The following SDK1 variants were observed in gnomAD, a reference collection of about 807,000 sequenced individuals.
The protein encoded by SDK1 is sidekick cell adhesion molecule 1.
A neutral mutation model predicts 245.5 loss-of-function variants in SDK1; 157 were observed. The observed-to-expected ratio is 0.64, with a 90% confidence interval of 0.56 to 0.73. The LOEUF (loss-of-function observed/expected upper bound fraction) is 0.73. SDK1 is among the 30% of genes least tolerant of loss of function. The pLI is 0.00. For synonymous variants in SDK1, 1,647 were observed against 1,278.5 expected (o/e 1.29, Z -6.15); for missense variants, 3,583 against 3,002.3 (o/e 1.19, Z -4.52).
chr7:3,914,795 C>T (rs1779307934), intron 5 of SDK1, among the ~76,000 whole-genome samples: 1 of 152,174 alleles, frequency 6.6e-6, no homozygotes, highest in African/African-American at 2.4e-5. Flanking sequence ...AACGTCCATA[C>T]AATTTGATCG....
chr7:3,958,050 G>A, intron 7 of SDK1: 1 of 469,864 alleles, frequency 2.1e-6, no homozygotes, highest in South Asian at 1.6e-5. Context: ...GTCCCACCTT[G>A]TTTTAAAGAT....
intron 4 of SDK1, among the ~76,000 whole-genome samples, chr7:3,756,850 G>C (rs1457868389): frequency 2.0e-5 from 3 of 152,142 alleles, no homozygotes; most frequent in African/African-American, 4.8e-5. Flanking sequence ...AGGGGTAAAG[G>C]ACCCTTTTGA....
At chr7:3,701,671 A>G (rs1346635017) in intron 4 of SDK1, among the ~76,000 whole-genome samples, 4 of 152,312 alleles carry the variant, frequency 2.6e-5, no homozygotes, top group East Asian at 3.9e-4. Flanking sequence ...ATAGGTGAAC[A>G]GTTTTGGAAA....
intron 1 of SDK1, among the ~76,000 whole-genome samples, chr7:3,521,175 T>A (rs895453248): frequency 7.9e-5 from 12 of 152,312 alleles, no homozygotes; most frequent in African/African-American, 2.9e-4. Context: ...CTTCGTGTTT[T>A]CCATGTGACC....
chr7:4,035,327 G>A (rs6953114), intron 17 of SDK1, among the ~76,000 whole-genome samples: 36,530 of 152,058 alleles, frequency 0.24, 6,230 homozygotes, highest in African/African-American at 0.49. Context: ...GAAATTCTAA[G>A]AAATTGAAGG....
chr7:3,782,843 G>T (rs1780786100), intron 4 of SDK1, among the ~76,000 whole-genome samples: 1 of 152,218 alleles, frequency 6.6e-6, no homozygotes, highest in Non-Finnish European at 1.5e-5. Flanking sequence ...TATAAGTCAG[G>T]AATTGTCTGT....
chr7:3,642,128 G>C, intron 4 of SDK1, 23 bp downstream of exon 4: 2 of 1,611,224 alleles, frequency 1.2e-6, no homozygotes, highest in Non-Finnish European at 1.7e-6. Context: ...AAACGTTAAA[G>C]CTTCAAATAC....
rs934140512 is a variant in SDK1, at chr7:4,026,040, C to G, written c.2602+8688C>G. Among the ~76,000 whole-genome samples, 5 of 152,218 alleles carry G rather than the reference C, an allele frequency of 3.3e-5. No individual in the cohort carries two copies. Among genetic ancestry groups the G allele is most frequent in the Admixed American group, 1.3e-4 (2 of 15,280 alleles). The stretch of plus-strand genomic sequence containing the variant: ...AAGGCGCATGGGGAAATTAGGTCCA[C>G]GAACGCGTCCCCAGCGTTGGGGAGG... On this transcript the variant is annotated intron_variant, in intron 17 of 44. Transcript: ENST00000404826. This position sits in a 1 kb window ranked among gnomAD's most constrained non-coding sequence, Gnocchi z 4.1.
chr7:4,067,959 A>C (rs1281244133), intron 20 of SDK1, 23 bp downstream of exon 20: 2 of 1,542,554 alleles, frequency 1.3e-6, no homozygotes, highest in Non-Finnish European at 1.8e-6. Flanking sequence ...GTCCTTCAAA[A>C]AAGGAAAAGA....
At position 3,971,719 on chromosome 7, in the gene SDK1, T is replaced by C. The variant is rs1271733214; in HGVS notation, c.1817+151T>C. ...ATCTTCTGGTTGTGGGCACCGTCAT[T>C]AATCATGCAAATCCCATTTTCCACT... On this transcript the variant is annotated intron_variant, in intron 12 of 44. Transcript: ENST00000404826. The C allele has an allele frequency of 4.6e-6, 3 of 654,406 alleles. No individual in the cohort carries two copies. In the Admixed American group the frequency reaches 6.6e-5, roughly 14 times the overall value. 40.5% of individuals were successfully genotyped at this position (654,406 alleles called of 1,614,324 possible). A position where few individuals can be genotyped will look rare whatever the true frequency, so the allele number is the denominator to read the frequency against.
At position 3,960,664 on chromosome 7, in the gene SDK1, T is replaced by C. The variant is rs1781603782; in HGVS notation, c.1234+1650T>C. 5.9e-5 allele frequency among the ~76,000 whole-genome samples: 9 copies of C among 152,180 alleles called. 2 individuals carry two copies. In the South Asian group the frequency reaches 1.9e-3, roughly 32 times the overall value. The stretch of plus-strand genomic sequence containing the variant: ...AGTAGGAGTTCTGGTCCTCAGCTCC[T>C]GACCAGCTCACAGCGGCTGCTGTCC... On this transcript the variant is annotated intron_variant, in intron 8 of 44. Transcript: ENST00000404826.
rs770812300 is a variant in SDK1 at position 4,149,277 on chromosome 7, C to T, written c.4439C>T (p.Pro1480Leu). The change falls in exon 30 of 45, where the codon CCC becomes CTC. Residue 1480 changes from proline (P) to leucine (L), a missense_variant. Transcript: ENST00000404826. ...TTGGTTGCAGAGCGGCCGGCACCCC[C>T]CAGAGAGCTCCTGGTGCCCCAGGCA... The part of the protein sequence containing the change: ...TTEKRERPAP[P>L]RELLVPQAEV... 1.9e-6 allele frequency: 3 copies of T among 1,542,382 alleles called. No individual in the cohort carries two copies. In the Admixed American group the frequency reaches 5.9e-5, roughly 31 times the overall value.
intron 1 of SDK1, among the ~76,000 whole-genome samples, chr7:3,375,028 A>C (rs2128564684): frequency 6.6e-6 from 1 of 152,348 alleles, no homozygotes; most frequent in East Asian, 1.9e-4. Context: ...TTAGTGAATT[A>C]ATGTGCAGTG....
At chr7:3,358,296 A>G (rs971479945) in intron 1 of SDK1, among the ~76,000 whole-genome samples, 2 of 152,214 alleles carry the variant, frequency 1.3e-5, no homozygotes, top group African/African-American at 4.8e-5. Flanking sequence ...TGCTGGGATT[A>G]GAAGCATGGA....
intron 4 of SDK1, among the ~76,000 whole-genome samples, chr7:3,656,712 C>G (rs1783196280): frequency 6.7e-6 from 1 of 148,626 alleles, no homozygotes; most frequent in Non-Finnish European, 1.5e-5. Flanking sequence ...CTTATCTGGT[C>G]TTATCTCAGG....
intron 1 of SDK1, among the ~76,000 whole-genome samples, chr7:3,585,003 C>T (rs1351544302): frequency 6.6e-6 from 1 of 152,168 alleles, no homozygotes; most frequent in African/African-American, 2.4e-5. Context: ...GGATTACAGA[C>T]GTGAGCCACC....
intron 1 of SDK1, among the ~76,000 whole-genome samples, chr7:3,427,070 G>A (rs1779697502): frequency 6.6e-6 from 1 of 152,168 alleles, no homozygotes; most frequent in African/African-American, 2.4e-5. Context: ...AACAGTGATG[G>A]TTCAAGCTGA....
chr7:3,535,998 T>G (rs1323545270), intron 1 of SDK1, among the ~76,000 whole-genome samples: 2 of 152,092 alleles, frequency 1.3e-5, no homozygotes, highest in Non-Finnish European at 2.9e-5. Context: ...TAAGTTTTTA[T>G]TTTTTTATCT....
intron 4 of SDK1, among the ~76,000 whole-genome samples, chr7:3,720,242 C>T (rs571975609): frequency 1.5e-4 from 23 of 151,730 alleles, no homozygotes; most frequent in South Asian, 8.3e-4. Context: ...GGCGACAGAG[C>T]GAGACTCTGT....
Sources: allele counts gnomAD v4.1 joint callset (sites outside exome capture counted in the v4.1 genomes callset), GRCh38; gene constraint gnomAD v4.1.1; non-coding constraint Gnocchi (gnomAD v3.1); transcripts MANE v1.5; gene names NCBI Gene and HGNC (gene_info 2026-07-23, HGNC 2026-07-21).